The following MYO5B variants were observed in gnomAD, a reference collection of about 807,000 sequenced individuals.
MYO5B encodes unconventional myosin-Vb.
In MYO5B, 143 loss-of-function variants were observed where a neutral mutation model predicts 229.3. The ratio of observed to expected loss-of-function variants is 0.62; its 90% CI spans 0.54 to 0.72. MYO5B has a LOEUF of 0.72. Ranked by LOEUF, MYO5B falls within the 30% of genes least tolerant of loss-of-function variation. The pLI, the probability that MYO5B is intolerant of heterozygous loss-of-function variation, is 0.00. For missense variants in MYO5B, 2,321 were observed against 2,331.0 expected (o/e 1.00, Z 0.09); for synonymous variants, 918 against 885.2 (o/e 1.04, Z -0.66).
intron 18 of MYO5B, among the ~76,000 whole-genome samples, chr18:49,909,074 G>A (rs1158700445): frequency 2.0e-5 from 3 of 152,106 alleles, no homozygotes; most frequent in Admixed American, 6.6e-5. Flanking sequence ...ACTTCTCATC[G>A]TTCTGTTCTA....
intron 14 of MYO5B, among the ~76,000 whole-genome samples, chr18:49,944,823 G>C (rs774373690): frequency 2.0e-5 from 3 of 151,968 alleles, no homozygotes; most frequent in Non-Finnish European, 2.9e-5. Flanking sequence ...CGATCACCTC[G>C]AGCAAGGCAT....
chr18:49,892,227 G>A (rs2144126290), intron 22 of MYO5B, among the ~76,000 whole-genome samples: 1 of 152,358 alleles, frequency 6.6e-6, no homozygotes, highest in South Asian at 2.1e-4. Flanking sequence ...GAGGCTAAGG[G>A]CCTGGGTGTG....
chr18:49,900,943 C>T (rs2024833998), intron 21 of MYO5B, among the ~76,000 whole-genome samples: 1 of 152,182 alleles, frequency 6.6e-6, no homozygotes, highest in Admixed American at 6.5e-5. Flanking sequence ...GGGATCAGAG[C>T]TCGGGTAGGA....
chr18:49,946,383 C>T (rs562163309), intron 14 of MYO5B: 1 of 152,174 alleles, frequency 6.6e-6, no homozygotes, highest in Admixed American at 6.5e-5. Flanking sequence ...GTGGTATGGC[C>T]GTAGATGCAT....
chr18:50,151,670 T>C (rs2144304393), intron 1 of MYO5B, among the ~76,000 whole-genome samples: 1 of 152,338 alleles, frequency 6.6e-6, no homozygotes, highest in South Asian at 2.1e-4. Context: ...ATATATACAC[T>C]AGTTTCCCTT....
intron 22 of MYO5B, among the ~76,000 whole-genome samples, chr18:49,889,500 C>G (rs1329055829): frequency 1.3e-5 from 2 of 152,204 alleles, no homozygotes; most frequent in Non-Finnish European, 2.9e-5. Context: ...CTGCCAGGAA[C>G]AAGGCTGTAC....
intron 10 of MYO5B, among the ~76,000 whole-genome samples, chr18:49,963,415 AATTTATTT>A (rs1159034209): frequency 6.8e-6 from 1 of 147,924 alleles, no homozygotes; most frequent in Non-Finnish European, 1.5e-5. Flanking sequence ...TTAATTAATT[AATTTATTT>A]ATTTATTTAT....
At chr18:50,151,157 T>C (rs1338399430) in intron 1 of MYO5B, among the ~76,000 whole-genome samples, 2 of 152,206 alleles carry the variant, frequency 1.3e-5, no homozygotes, top group Non-Finnish European at 2.9e-5. Context: ...AAGGTCACTT[T>C]TGCTTCTTAT....
chr18:49,982,633 T>A (rs2025827979), intron 8 of MYO5B, among the ~76,000 whole-genome samples: 2 of 152,224 alleles, frequency 1.3e-5, no homozygotes, highest in Non-Finnish European at 2.9e-5. Flanking sequence ...GCCCACAGCC[T>A]GTTTTCATAA....
chr18:49,863,392 A>C, intron 28 of MYO5B, 65 bp from the exon 29 acceptor site: 1 of 1,362,902 alleles, frequency 7.3e-7, no homozygotes, highest in East Asian at 2.3e-5. Flanking sequence ...CTTTATATAC[A>C]AACAGGTATA....
chr18:50,055,893 T>C (rs541801309), intron 1 of MYO5B, among the ~76,000 whole-genome samples: 57 of 152,310 alleles, frequency 3.7e-4, no homozygotes, highest in African/African-American at 8.4e-4. Context: ...TATCCTCAAG[T>C]TGTCAGCCAC....
At chr18:49,915,229 G>A (rs1175711112) in intron 17 of MYO5B, among the ~76,000 whole-genome samples, 2 of 152,046 alleles carry the variant, frequency 1.3e-5, no homozygotes, top group African/African-American at 4.8e-5. Flanking sequence ...CCCCTTTAGA[G>A]TGTACAATAA....
At chr18:50,189,086 G>T (rs2033193059) in intron 1 of MYO5B, among the ~76,000 whole-genome samples, 1 of 152,172 alleles carries the variant, frequency 6.6e-6, no homozygotes, top group African/African-American at 2.4e-5. Flanking sequence ...GTGACAGCAT[G>T]ACACACAACC....
At chr18:50,076,448 G>A (rs529619401) in intron 1 of MYO5B, among the ~76,000 whole-genome samples, 1 of 152,274 alleles carries the variant, frequency 6.6e-6, no homozygotes, top group African/African-American at 2.4e-5. Flanking sequence ...AGGAGGAGGG[G>A]AAGCAAAGAT....
intron 29 of MYO5B, among the ~76,000 whole-genome samples, chr18:49,860,213 G>C (rs750928646): frequency 8.5e-5 from 13 of 152,140 alleles, no homozygotes; most frequent in Non-Finnish European, 1.5e-4. Flanking sequence ...AGCCAGACCA[G>C]AGCCCTGGCC....
intron 1 of MYO5B, among the ~76,000 whole-genome samples, chr18:50,165,943 T>C (rs2032845076): frequency 6.6e-6 from 1 of 152,240 alleles, no homozygotes; most frequent in Admixed American, 6.5e-5. Context: ...TAGAGAGTTC[T>C]AGTTACAAGG....
intron 17 of MYO5B, among the ~76,000 whole-genome samples, chr18:49,926,462 C>CA (rs2025129469): frequency 6.6e-6 from 1 of 152,208 alleles, no homozygotes; most frequent in South Asian, 2.1e-4. Flanking sequence ...GTTGTTAGGA[C>CA]AGAGGGTCCC....
chr18:49,949,450 A>G (rs1165072232), intron 14 of MYO5B, among the ~76,000 whole-genome samples: 1 of 151,036 alleles, frequency 6.6e-6, no homozygotes, highest in Non-Finnish European at 1.5e-5. Flanking sequence ...TACAGCTCCG[A>G]TAGCTGAGAA....
intron 1 of MYO5B, among the ~76,000 whole-genome samples, chr18:50,088,934 T>G (rs2031388453): frequency 6.6e-6 from 1 of 152,232 alleles, no homozygotes; most frequent in African/African-American, 2.4e-5. Context: ...CTGATGTTTT[T>G]TGCTCCTAGA....
Sources: allele counts gnomAD v4.1 joint callset (sites outside exome capture counted in the v4.1 genomes callset), GRCh38; gene constraint gnomAD v4.1.1; transcripts MANE v1.5; gene names NCBI Gene and HGNC (gene_info 2026-07-23, HGNC 2026-07-21).